Variants in COL4A5 observed in about 807,000 individuals in gnomAD.
COL4A5 encodes the protein collagen type IV alpha 5 chain.
In COL4A5, 26 loss-of-function variants were observed where a neutral mutation model predicts 130.2. That is an observed-to-expected ratio of 0.20 (90% CI 0.15 to 0.28). COL4A5 has a LOEUF of 0.28. COL4A5 is among the 10% of genes least tolerant of loss of function. COL4A5 has a pLI of 1.00. For missense variants in COL4A5, 1,131 were observed against 1,344.3 expected (o/e 0.84, Z 2.48); for synonymous variants, 496 against 439.6 (o/e 1.13, Z -1.60).
intron 20 of COL4A5, 33 bp from the exon 21 acceptor site, chrX:108,591,528 A>G (rs747176091): frequency 1.7e-5 from 18 of 1,088,934 alleles, no homozygotes; most frequent in Non-Finnish European, 2.2e-5. Flanking sequence ...ATATTTCACA[A>G]TTAGCTTGCT....
At chrX:108,474,074 GA>G (rs941418426) in intron 1 of COL4A5, among the ~76,000 whole-genome samples, 7 of 110,975 alleles carry the variant, frequency 6.3e-5, no homozygotes, top group African/African-American at 2.0e-4. Flanking sequence ...ATTGAAGGAA[GA>G]AATTTTTTAT....
intron 1 of COL4A5, among the ~76,000 whole-genome samples, chrX:108,479,707 C>T (rs778849054): frequency 2.7e-5 from 3 of 111,689 alleles, no homozygotes; most frequent in East Asian, 2.8e-4. Flanking sequence ...AGCCCAATCA[C>T]GTATATACCA....
intron 13 of COL4A5, among the ~76,000 whole-genome samples, chrX:108,578,645 AT>A (rs1032755516): frequency 2.5e-4 from 27 of 106,714 alleles, no homozygotes; most frequent in South Asian, 4.0e-4. Context: ...ATATAAGGGT[AT>A]TTTTTTTTAA....
intron 1 of COL4A5, among the ~76,000 whole-genome samples, chrX:108,503,898 A>C (rs2065102095): frequency 8.9e-6 from 1 of 111,967 alleles, no homozygotes; most frequent in South Asian, 3.7e-4. Flanking sequence ...AACAATCCCA[A>C]AATTCATATG....
chrX:108,600,587 T>G (rs1291096189), intron 25 of COL4A5, among the ~76,000 whole-genome samples: 1 of 110,944 alleles, frequency 9.0e-6, no homozygotes, highest in African/African-American at 3.3e-5. Flanking sequence ...TAACACCCTG[T>G]TTTAGGGGTT....
At chrX:108,590,252 C>T (rs2066409635) in intron 19 of COL4A5, among the ~76,000 whole-genome samples, 1 of 111,215 alleles carries the variant, frequency 9.0e-6, no homozygotes, top group South Asian at 3.7e-4. Flanking sequence ...ATGGCCAGAT[C>T]TGAGTAGCAT....
chrX:108,473,760 T>C (rs2064805910), intron 1 of COL4A5, among the ~76,000 whole-genome samples: 1 of 103,280 alleles, frequency 9.7e-6, no homozygotes, highest in South Asian at 4.6e-4. Context: ...GCCTCCCAAG[T>C]AGCTGGGATC....
chrX:108,571,495 A>G, intron 7 of COL4A5, 29 bp downstream of exon 7: 1 of 1,087,522 alleles, frequency 9.2e-7, no homozygotes, highest in Non-Finnish European at 1.3e-6. Flanking sequence ...GATTATGATG[A>G]ACACAGGAAT....
intron 34 of COL4A5, among the ~76,000 whole-genome samples, chrX:108,624,553 TTTC>T (rs1227437943): frequency 9.1e-6 from 1 of 109,313 alleles, no homozygotes; most frequent in Non-Finnish European, 2.0e-5. Context: ...GATTATTCAG[TTTC>T]TTCTTTTTGT....
chrX:108,597,620 A>G, intron 24 of COL4A5, 52 bp downstream of exon 24: 3 of 1,075,251 alleles, frequency 2.8e-6, no homozygotes, highest in Middle Eastern at 3.5e-4. Flanking sequence ...TCACTTAGAA[A>G]TGTTTTCTAA....
intron 36 of COL4A5, among the ~76,000 whole-genome samples, chrX:108,646,149 T>G (rs746952142): frequency 2.7e-5 from 3 of 111,041 alleles, no homozygotes; most frequent in African/African-American, 3.3e-5. Context: ...CCTGAGGAAT[T>G]GCCACACTGA....
At chrX:108,532,299 C>T (rs1367568251) in intron 1 of COL4A5, among the ~76,000 whole-genome samples, 9 of 111,757 alleles carry the variant, frequency 8.1e-5, no homozygotes, top group Non-Finnish European at 3.8e-5. Flanking sequence ...AAATGTGATA[C>T]ATTACATCAA....
At chrX:108,602,309 T>A (rs956321236) in intron 27 of COL4A5, among the ~76,000 whole-genome samples, 2 of 112,380 alleles carry the variant, frequency 1.8e-5, no homozygotes, top group Non-Finnish European at 3.8e-5. Context: ...GTGCACTTGA[T>A]GTTTATTGAG....
At chrX:108,629,364 A>C (rs1198025525) in intron 36 of COL4A5, among the ~76,000 whole-genome samples, 1 of 111,917 alleles carries the variant, frequency 8.9e-6, no homozygotes, top group Non-Finnish European at 1.9e-5. Context: ...TAGAGGAGCA[A>C]GGATGGAAAG....
chrX:108,642,358 A>G (rs962120910), intron 36 of COL4A5, among the ~76,000 whole-genome samples: 2 of 110,766 alleles, frequency 1.8e-5, no homozygotes, highest in Non-Finnish European at 1.9e-5. Context: ...GGCCCCACCT[A>G]CCACTGGTTC....
At chrX:108,442,732 A>C (rs775839213) in intron 1 of COL4A5, among the ~76,000 whole-genome samples, 40 of 111,673 alleles carry the variant, frequency 3.6e-4, no homozygotes, top group Non-Finnish European at 6.4e-4. Context: ...ATTGCTCCAT[A>C]GGAAAAACTT....
intron 8 of COL4A5, 116 bp from the exon 9 acceptor site, chrX:108,573,458 C>T: frequency 3.5e-6 from 2 of 573,163 alleles, no homozygotes; most frequent in East Asian, 3.3e-5. Context: ...ACTGAGATGG[C>T]CTAATCTTTT....
intron 40 of COL4A5, 99 bp downstream of exon 40, chrX:108,667,282 G>T: frequency 1.2e-6 from 1 of 815,554 alleles, no homozygotes. Context: ...ATCATAAAAT[G>T]CATGTAAGAA....
chrX:108,617,201 A>T (rs2066945329), intron 30 of COL4A5, among the ~76,000 whole-genome samples: 1 of 111,450 alleles, frequency 9.0e-6, no homozygotes, highest in African/African-American at 3.2e-5. Context: ...ATATTATCTT[A>T]GTTCATTTAA....
Sources: gnomAD v4.1 joint callset for allele counts (sites outside exome capture counted in the v4.1 genomes callset) on GRCh38, gnomAD v4.1.1 for gene constraint, MANE v1.5 for transcripts, NCBI Gene and HGNC (gene_info 2026-07-23, HGNC 2026-07-21) for gene names.